The following ADGRL3 variants were observed in gnomAD, a reference collection of about 807,000 sequenced individuals.
ADGRL3 encodes calcium-independent alpha-latrotoxin receptor 3.
In ADGRL3, 62 loss-of-function variants were observed where a neutral mutation model predicts 153.5. The observed-to-expected ratio is 0.40, with a 90% CI of 0.33 to 0.50. ADGRL3 has a LOEUF of 0.50. Among genes scored for constraint, ADGRL3 ranks in the 20% least tolerant of loss-of-function variants. The probability of loss-of-function intolerance (pLI) is 0.47; values close to 1 mark genes in which losing one functional copy is unlikely to be tolerated. For missense variants in ADGRL3, 1,641 were observed against 1,859.4 expected (o/e 0.88, Z 2.16); for synonymous variants, 710 against 672.5 (o/e 1.06, Z -0.86).
At chr4:61,794,946 T>C (rs1436857628) in intron 8 of ADGRL3, among the ~76,000 whole-genome samples, 2 of 152,232 alleles carry the variant, frequency 1.3e-5, no homozygotes, top group African/African-American at 4.8e-5. Context: ...AATAACTTCT[T>C]ATCGCATAAC....
At chr4:61,370,578 C>G (rs1293435224) in intron 1 of ADGRL3, among the ~76,000 whole-genome samples, 1 of 152,198 alleles carries the variant, frequency 6.6e-6, no homozygotes. Context: ...AGTTTGATTG[C>G]ACTGTGGTCT....
chr4:61,875,326 AT>A (rs1478892878), intron 9 of ADGRL3, among the ~76,000 whole-genome samples: 1 of 152,232 alleles, frequency 6.6e-6, no homozygotes, highest in African/African-American at 2.4e-5. Context: ...TGCATTTAGA[AT>A]ACATAATTAT....
At chr4:61,961,707 A>C (rs959963903) in intron 17 of ADGRL3, among the ~76,000 whole-genome samples, 1 of 152,184 alleles carries the variant, frequency 6.6e-6, no homozygotes, top group Non-Finnish European at 1.5e-5. Flanking sequence ...ATTGAGAAAG[A>C]TAGTCTTTCT....
At chr4:61,258,822 T>G (rs2149540558) in intron 1 of ADGRL3, among the ~76,000 whole-genome samples, 1 of 152,244 alleles carries the variant, frequency 6.6e-6, no homozygotes, top group South Asian at 2.1e-4. Context: ...CACTCATATA[T>G]ATCACAAAAA....
chr4:61,516,916 T>G (rs947628459), intron 3 of ADGRL3, among the ~76,000 whole-genome samples: 1 of 152,170 alleles, frequency 6.6e-6, no homozygotes, highest in Non-Finnish European at 1.5e-5. Context: ...TTAGGAACCA[T>G]TATTCTTATT....
chr4:61,741,972 C>G (rs1458234289), intron 8 of ADGRL3, among the ~76,000 whole-genome samples: 1 of 152,238 alleles, frequency 6.6e-6, no homozygotes, highest in Non-Finnish European at 1.5e-5. Context: ...AAGCTTCCCA[C>G]TCACACCAGC....
intron 9 of ADGRL3, among the ~76,000 whole-genome samples, chr4:61,869,414 A>C (rs1177084922): frequency 1.3e-5 from 2 of 151,166 alleles, no homozygotes; most frequent in Non-Finnish European, 3.0e-5. Flanking sequence ...CTGGCTAACA[A>C]GGTGAAACCC....
chr4:61,386,890 A>T (rs1230669275), intron 2 of ADGRL3, among the ~76,000 whole-genome samples: 1 of 152,198 alleles, frequency 6.6e-6, no homozygotes, highest in African/African-American at 2.4e-5. Flanking sequence ...GTTTATTGAT[A>T]TCTATTTTAT....
chr4:61,341,580 A>G (rs1189224131), intron 1 of ADGRL3, among the ~76,000 whole-genome samples: 1 of 151,698 alleles, frequency 6.6e-6, no homozygotes, highest in Admixed American at 6.6e-5. Context: ...TAAGATATTC[A>G]TTTATTTAAA....
At chr4:61,240,894 T>C (rs1178683062) in intron 1 of ADGRL3, among the ~76,000 whole-genome samples, 2 of 152,034 alleles carry the variant, frequency 1.3e-5, no homozygotes, top group Non-Finnish European at 2.9e-5. Flanking sequence ...TTGAATGAAA[T>C]AATGAAAGAT....
intron 1 of ADGRL3, among the ~76,000 whole-genome samples, chr4:61,214,651 A>G (rs1398664460): frequency 3.3e-5 from 5 of 152,192 alleles, no homozygotes; most frequent in Non-Finnish European, 7.3e-5. Context: ...AGAGTTAGGT[A>G]CAGGCTGGAT....
chr4:61,445,060 A>C (rs2097567497), intron 2 of ADGRL3, among the ~76,000 whole-genome samples: 1 of 151,036 alleles, frequency 6.6e-6, no homozygotes, highest in South Asian at 2.1e-4. Flanking sequence ...TAAAAAAGAA[A>C]AAAAAATGCT....
intron 6 of ADGRL3, chr4:61,677,417 T>TA (rs1454372319): frequency 2.4e-6 from 1 of 413,670 alleles, no homozygotes; most frequent in Non-Finnish European, 4.6e-6. Context: ...AAATAAAGAT[T>TA]AAAAGAACTT....
chr4:61,334,761 A>AC (rs1553905698), intron 1 of ADGRL3, among the ~76,000 whole-genome samples: 8 of 152,146 alleles, frequency 5.3e-5, no homozygotes, highest in Non-Finnish European at 1.2e-4. Flanking sequence ...AGGCAAGAAT[A>AC]TAAAGTACGT....
chr4:61,423,154 G>A (rs991462092), intron 2 of ADGRL3, among the ~76,000 whole-genome samples: 1 of 152,160 alleles, frequency 6.6e-6, no homozygotes, highest in African/African-American at 2.4e-5. Context: ...AAATTTTGCA[G>A]TTTTACATAT....
chr4:61,402,998 C>T (rs1186539611), intron 2 of ADGRL3, among the ~76,000 whole-genome samples: 1 of 151,870 alleles, frequency 6.6e-6, no homozygotes, highest in Non-Finnish European at 1.5e-5. Flanking sequence ...AGCGTAGGCC[C>T]TCATCCTGGC....
intron 17 of ADGRL3, among the ~76,000 whole-genome samples, chr4:61,974,271 T>C (rs2099040291): frequency 6.6e-6 from 1 of 152,188 alleles, no homozygotes; most frequent in East Asian, 1.9e-4. Flanking sequence ...TCCTGGCCAC[T>C]ATAGGCATTT....
intron 6 of ADGRL3, among the ~76,000 whole-genome samples, chr4:61,678,736 T>C (rs906364866): frequency 2.0e-5 from 3 of 152,028 alleles, no homozygotes; most frequent in Non-Finnish European, 4.4e-5. Context: ...ATAAGAATTA[T>C]ACACTCAGTT....
At chr4:61,684,798 T>C (rs1235900488) in intron 6 of ADGRL3, among the ~76,000 whole-genome samples, 10 of 152,116 alleles carry the variant, frequency 6.6e-5, no homozygotes, top group Non-Finnish European at 1.2e-4. Context: ...TTGTATTGTA[T>C]TCTAAAGGTT....
Sources: allele counts gnomAD v4.1 joint callset (sites outside exome capture counted in the v4.1 genomes callset), GRCh38; gene constraint gnomAD v4.1.1; transcripts MANE v1.5; gene names NCBI Gene and HGNC (gene_info 2026-07-23, HGNC 2026-07-21).